The following RBFOX1 variants were observed in gnomAD, a reference collection of about 807,000 sequenced individuals.
RBFOX1 encodes the protein RNA binding fox-1 homolog 1.
A neutral mutation model predicts 57.7 loss-of-function variants in RBFOX1; 8 were observed. The observed-to-expected ratio is 0.14, with a 90% CI of 0.08 to 0.25. The LOEUF (loss-of-function observed/expected upper bound fraction) is 0.25. Ranked by LOEUF, RBFOX1 falls within the 10% of genes least tolerant of loss-of-function variation. RBFOX1 has a pLI of 1.00. For missense variants in RBFOX1, 611 were observed against 548.5 expected, an observed-to-expected ratio of 1.11 and a Z score of -1.14; for synonymous variants, 326 against 222.4, an observed-to-expected ratio of 1.47 and a Z score of -4.15.
At chr16:5,549,593 G>A (rs968423448) in intron 2 of RBFOX1, among the ~76,000 whole-genome samples, 1 of 152,134 alleles carries the variant, frequency 6.6e-6, no homozygotes. Flanking sequence ...ATACTATGCA[G>A]AATTGCACAG....
intron 4 of RBFOX1, among the ~76,000 whole-genome samples, chr16:5,896,195 A>T (rs549540134): frequency 6.6e-6 from 1 of 152,132 alleles, no homozygotes; most frequent in Non-Finnish European, 1.5e-5. Context: ...AGCTGGTCTC[A>T]TCTAGAGGCA....
At chr16:7,245,192 TAATA>T (rs551835411) in intron 4 of RBFOX1, among the ~76,000 whole-genome samples, 251 of 152,346 alleles carry the variant, frequency 1.6e-3, no homozygotes, top group African/African-American at 2.9e-3. Context: ...CTAACTAAAA[TAATA>T]AATATCTTAT....
chr16:7,469,584 A>T (rs1031169429), intron 4 of RBFOX1, among the ~76,000 whole-genome samples: 2 of 152,100 alleles, frequency 1.3e-5, no homozygotes, highest in African/African-American at 4.8e-5. Flanking sequence ...ATTTATTGAA[A>T]AGTTGTGATA....
chr16:7,582,396 T>C (rs981519108), intron 6 of RBFOX1, among the ~76,000 whole-genome samples: 22 of 152,178 alleles, frequency 1.4e-4, no homozygotes, highest in Admixed American at 9.2e-4. Context: ...GCCAGGAACA[T>C]ACAGATTCAT....
intron 3 of RBFOX1, among the ~76,000 whole-genome samples, chr16:6,982,530 G>T (rs1286951191): frequency 2.6e-5 from 4 of 152,148 alleles, no homozygotes; most frequent in Admixed American, 1.3e-4. Context: ...CTCGCCCTCT[G>T]TTCATCATCC....
chr16:5,518,159 A>C (rs368102134), intron 2 of RBFOX1, among the ~76,000 whole-genome samples: 3 of 152,214 alleles, frequency 2.0e-5, no homozygotes, highest in East Asian at 3.8e-4. Flanking sequence ...AGACCTAAAA[A>C]ACCAATAAAA....
chr16:6,067,575 A>G (rs535915244), intron 1 of RBFOX1, among the ~76,000 whole-genome samples: 1 of 152,222 alleles, frequency 6.6e-6, no homozygotes, highest in South Asian at 2.1e-4. Flanking sequence ...GTTGGGAGAG[A>G]GAGATTTTTT....
At chr16:7,165,537 C>T (rs1235767997) in intron 4 of RBFOX1, among the ~76,000 whole-genome samples, 6 of 151,960 alleles carry the variant, frequency 3.9e-5, no homozygotes, top group Non-Finnish European at 5.9e-5. Flanking sequence ...TCAAGCCATT[C>T]ACCTGCCTCA....
chr16:7,597,286 G>A (rs2094753827), intron 8 of RBFOX1, 85 bp from the exon 9 acceptor site: 1 of 941,568 alleles, frequency 1.1e-6, no homozygotes, highest in East Asian at 2.7e-5. Flanking sequence ...TTTTTAATAA[G>A]TAATCACGGT....
At chr16:6,696,302 C>G (rs4786913) in intron 3 of RBFOX1, among the ~76,000 whole-genome samples, 77,676 of 151,876 alleles carry the variant, frequency 0.51, 21,393 homozygotes, top group Non-Finnish European at 0.6. Flanking sequence ...AGTGAAATAT[C>G]TCTGACTTTT....
At chr16:7,592,783 A>T (rs975646928) in intron 7 of RBFOX1, among the ~76,000 whole-genome samples, 1 of 152,308 alleles carries the variant, frequency 6.6e-6, no homozygotes, top group African/African-American at 2.4e-5. Context: ...CCAAAAATCT[A>T]TAGATATCAG....
chr16:6,644,951 T>A (rs1475900413), intron 2 of RBFOX1, among the ~76,000 whole-genome samples: 2 of 152,170 alleles, frequency 1.3e-5, no homozygotes, highest in Non-Finnish European at 2.9e-5. Context: ...TAGCAAATCA[T>A]CACAATCTAG....
intron 3 of RBFOX1, among the ~76,000 whole-genome samples, chr16:5,675,864 C>T (rs901148613): frequency 1.3e-5 from 2 of 152,104 alleles, no homozygotes; most frequent in African/African-American, 2.4e-5. Context: ...GCACAGAGCT[C>T]CTCCTGCTGG....
intron 4 of RBFOX1, among the ~76,000 whole-genome samples, chr16:7,437,793 G>T (rs184454139): frequency 1.3e-5 from 2 of 151,560 alleles, no homozygotes; most frequent in African/African-American, 4.8e-5. Context: ...GAAGGCAAAC[G>T]AATACAGATT....
intron 2 of RBFOX1, among the ~76,000 whole-genome samples, chr16:6,341,385 G>C (rs2084551369): frequency 6.6e-6 from 1 of 152,102 alleles, no homozygotes; most frequent in Non-Finnish European, 1.5e-5. Context: ...TAGGAGATGA[G>C]TAAAAGGAGG....
intron 9 of RBFOX1, among the ~76,000 whole-genome samples, chr16:7,605,824 C>G (rs920340446): frequency 3.3e-5 from 5 of 152,174 alleles, no homozygotes; most frequent in Admixed American, 6.6e-5. Flanking sequence ...ACACCTTACC[C>G]TCCTCTGTCT....
At chr16:7,038,918 G>C (rs2045327354) in intron 3 of RBFOX1, among the ~76,000 whole-genome samples, 1 of 152,136 alleles carries the variant, frequency 6.6e-6, no homozygotes, top group South Asian at 2.1e-4. Flanking sequence ...AATTCTGTGG[G>C]CATCCTGACC....
At chr16:7,251,439 T>C (rs960844154) in intron 4 of RBFOX1, among the ~76,000 whole-genome samples, 9 of 150,534 alleles carry the variant, frequency 6.0e-5, no homozygotes, top group Non-Finnish European at 8.9e-5. Context: ...GGATGGAGTT[T>C]TGTTCTTGTT....
chr16:5,333,132 G>T (rs2151278590), intron 1 of RBFOX1, among the ~76,000 whole-genome samples: 1 of 152,232 alleles, frequency 6.6e-6, no homozygotes, highest in East Asian at 1.9e-4. Context: ...AGGTTGCAGT[G>T]AGCCGAGATC....
Sources: allele counts gnomAD v4.1 joint callset (sites outside exome capture counted in the v4.1 genomes callset), GRCh38; gene constraint gnomAD v4.1.1; transcripts MANE v1.5; gene names NCBI Gene and HGNC (gene_info 2026-07-23, HGNC 2026-07-21).